Variants in ZNF800 observed in about 807,000 individuals in gnomAD.
ZNF800 encodes the protein zinc finger protein 800.
Under a neutral mutation model 59.5 loss-of-function variants are expected in ZNF800, and 13 were observed. That is an observed-to-expected ratio of 0.22 (90% CI 0.14 to 0.35). ZNF800 has a LOEUF of 0.35. ZNF800 is among the 10% of genes least tolerant of loss of function. The probability of loss-of-function intolerance (pLI) is 1.00; values close to 1 mark genes in which losing one functional copy is unlikely to be tolerated. For synonymous variants in ZNF800, 266 were observed against 265.7 expected, an observed-to-expected ratio of 1.00 and a Z score of -0.01; for missense variants, 621 against 783.7, an observed-to-expected ratio of 0.79 and a Z score of 2.48.
At chr7:127,343,655 GA>G (rs1800007221), downstream of ZNF800, among the ~76,000 whole-genome samples, 1 of 151,774 alleles carries the variant, frequency 6.6e-6, no homozygotes, top group African/African-American at 2.4e-5. Flanking sequence ...TTTTTAAGCT[GA>G]TAAAGGTAGA....
downstream of ZNF800, among the ~76,000 whole-genome samples, chr7:127,366,010 A>G (rs920880388): frequency 6.6e-6 from 1 of 152,136 alleles, no homozygotes; most frequent in African/African-American, 2.4e-5. Context: ...AAATTCCCAC[A>G]ATAAACCTAC....
intron 1 of ZNF800, among the ~76,000 whole-genome samples, chr7:127,359,181 G>C (rs1800342984): frequency 6.6e-6 from 1 of 151,718 alleles, no homozygotes; most frequent in Non-Finnish European, 1.5e-5. Flanking sequence ...ATACCTGTTT[G>C]CCTGCATACC....
At chr7:127,362,876 A>G (rs941704605) in intron 1 of ZNF800, 5 of 152,158 alleles carry the variant, frequency 3.3e-5, no homozygotes, top group Non-Finnish European at 7.4e-5. Context: ...ACAGCACGGA[A>G]GACAGATTAG....
At position 127,370,070 on chromosome 7, in the gene ZNF800, G is replaced by A. The variant is rs17867024; in HGVS notation, c.*1744C>T. On this transcript the variant is annotated 3_prime_UTR_variant, in exon 6 of 6. Transcript: ENST00000265827. ...AAGTCAAACATATAGGTTTAATAAT[G>A]TGCAACTAATGAAGATGGCTTATAA... 517 of 152,174 alleles carry A rather than the reference G, an allele frequency of 3.4e-3. 5 individuals carry two copies. Among genetic ancestry groups the A allele is most frequent in the African/African-American group, 0.012 (500 of 41,520 alleles). 9.4% of individuals were successfully genotyped at this position (152,174 alleles called of 1,614,324 possible).
intron 1 of ZNF800, 99 bp from the exon 2 acceptor site, chr7:127,391,714 C>T (rs747038582): frequency 6.0e-6 from 4 of 668,506 alleles, no homozygotes; most frequent in African/African-American, 1.8e-5. Context: ...CTCCGCTTTC[C>T]CTCCACGGAC....
At chr7:127,384,139 T>C (rs1801057828) in intron 3 of ZNF800, among the ~76,000 whole-genome samples, 1 of 151,576 alleles carries the variant, frequency 6.6e-6, no homozygotes, top group South Asian at 2.1e-4. Context: ...TTTAATTCTG[T>C]ACCCACACAG....
intron 1 of ZNF800, chr7:127,349,868 C>T (rs1363190008): frequency 6.6e-6 from 1 of 152,158 alleles, no homozygotes; most frequent in East Asian, 1.9e-4. Context: ...GTGCTACAGT[C>T]CAGCTTTCAC....
chr7:127,367,709 G>A (rs549875411), downstream of ZNF800, among the ~76,000 whole-genome samples: 2 of 152,138 alleles, frequency 1.3e-5, no homozygotes, highest in African/African-American at 4.8e-5. Context: ...CAAAATACAT[G>A]GTGTACAATT....
chr7:127,353,015 C>T (rs1456258004), intron 1 of ZNF800, among the ~76,000 whole-genome samples: 2 of 152,146 alleles, frequency 1.3e-5, no homozygotes, highest in African/African-American at 2.4e-5. Flanking sequence ...TTAGTTTTTA[C>T]AGCAGATAAG....
chr7:127,392,465 C>T lies in ZNF800; in HGVS notation c.-464G>A, dbSNP rs1466012507. The T allele has an allele frequency of 1.4e-5, 5 of 367,268 alleles. No individual in the cohort carries two copies. Among genetic ancestry groups the T allele is most frequent in the Non-Finnish European group, 9.7e-6 (2 of 206,202 alleles). 22.8% of individuals were successfully genotyped at this position (367,268 alleles called of 1,614,324 possible). On this transcript the variant is annotated 5_prime_UTR_variant, in exon 1 of 6. Transcript: ENST00000265827. ...CGGGGCAACGGCTGCCGCCGCAACC[C>T]GGGTCCCACCAGCGCCGCTCCACCT...
intron 5 of ZNF800, chr7:127,372,594 AAAT>A: frequency 1.0e-6 from 1 of 982,454 alleles, no homozygotes; most frequent in Non-Finnish European, 1.2e-6. Flanking sequence ...AACTATGTTA[AAAT>A]GATCACCAAA....
intron 1 of ZNF800, among the ~76,000 whole-genome samples, chr7:127,358,896 A>G (rs1411384477): frequency 6.6e-6 from 1 of 152,134 alleles, no homozygotes; most frequent in East Asian, 1.9e-4. Flanking sequence ...ATACTCATGG[A>G]ATGCTTTAAC....
chr7:127,384,227 C>CTTT lies in ZNF800; in HGVS notation c.157+1830_157+1832dup, dbSNP rs577977623. Among the ~76,000 whole-genome samples, 368 of 63,324 alleles carry CTTT rather than the reference C, an allele frequency of 5.8e-3. 62 individuals are homozygous for CTTT. Among genetic ancestry groups the CTTT allele is most frequent in the African/African-American group, 0.02 (281 of 14,204 alleles). 41.5% of individuals were successfully genotyped at this position (63,324 alleles called of 152,430 possible). ...CTTATGACTTAACTAATTCTAACTT[C>CTTT]TTTTTTTTTTTTTTTTTTTTTTTTT... is the stretch of plus-strand genomic sequence containing the variant. On this transcript the variant is annotated intron_variant, in intron 3 of 5. Transcript: ENST00000265827.
rs1435897591 is a variant in ZNF800, at chr7:127,373,762, G to A, written c.1574C>T (p.Thr525Ile). Residue 525 changes from threonine to isoleucine, a missense_variant, in exon 5 of 6, where the codon ACT becomes ATT. Thr to Ile is a moderately conservative substitution (Grantham distance 89, BLOSUM62 -1). Around this residue, in one of 7 missense-constraint regions of ZNF800, gnomAD observed 46 missense variants for 118.4 expected, o/e 0.39. Transcript: ENST00000265827. ...YVKFYKCPLC[T>I]YETRRKRDVI... ...ATCACGTTTCCGACGAGTTTCATAA[G>A]TGCAAAGAGGACACTTGTAGAATTT... 1.2e-6 allele frequency: 2 copies of A among 1,614,130 alleles called. No individual in the cohort carries two copies. The highest frequency in any genetic ancestry group is 1.7e-6 in the Non-Finnish European group (2 of 1,180,020).
At chr7:127,362,187 G>GA (rs1244592433) in intron 1 of ZNF800, 3 of 151,872 alleles carry the variant, frequency 2.0e-5, no homozygotes, top group East Asian at 3.9e-4. Flanking sequence ...TTTAGACCAG[G>GA]AAAAAAATCT....
At chr7:127,383,592 G>T (rs976548450) in intron 3 of ZNF800, among the ~76,000 whole-genome samples, 1 of 152,120 alleles carries the variant, frequency 6.6e-6, no homozygotes, top group Admixed American at 6.5e-5. Context: ...ATACAGTCCA[G>T]ACTTCCATAC....
intron 1 of ZNF800, among the ~76,000 whole-genome samples, chr7:127,354,569 A>T (rs1011667390): frequency 4.6e-5 from 7 of 152,128 alleles, no homozygotes; most frequent in Admixed American, 1.3e-4. Context: ...CACATACATG[A>T]AATAGCTCTT....
chr7:127,391,867 G>C (rs1033643371), intron 1 of ZNF800, among the ~76,000 whole-genome samples, 193 bp downstream of exon 1: 27 of 151,714 alleles, frequency 1.8e-4, no homozygotes, highest in Non-Finnish European at 3.5e-4. Flanking sequence ...CAGCGCGGGC[G>C]GCTGCGGCCT....
rs71179574 is a variant in ZNF800, at chr7:127,379,836, A to ACCCCCCCCCCCCCCCCCCCC, written c.158-2508_158-2507insGGGGGGGGGGGGGGGGGGGG. The stretch of plus-strand genomic sequence containing the variant: ...ACAAATGCTTCCCCTTACCCTTGCC[A>ACCCCCCCCCCCCCCCCCCCC]CCCCCCCACCCCCCCACCCCCCCCA... On this transcript the variant is annotated intron_variant, in intron 3 of 5. Coordinates refer to ENST00000265827, the MANE Select transcript of ZNF800 (RefSeq NM_176814.5). Among the ~76,000 whole-genome samples the ACCCCCCCCCCCCCCCCCCCC allele has an allele frequency of 2.3e-3, 64 of 27,646 alleles. 14 individuals carry two copies. The highest frequency in any genetic ancestry group is 5.2e-3 in the Admixed American group (11 of 2,110). 18.1% of individuals were successfully genotyped at this position (27,646 alleles called of 152,430 possible).
Sources: gnomAD v4.1 joint callset for allele counts (sites outside exome capture counted in the v4.1 genomes callset) on GRCh38, gnomAD v4.1.1 for gene constraint, gnomAD v4.1.1 regional missense constraint, MANE v1.5 for transcripts, NCBI Gene and HGNC (gene_info 2026-07-23, HGNC 2026-07-21) for gene names.